PTPRN2: variants seen among roughly 807,000 people sequenced by gnomAD.
PTPRN2 encodes the protein protein tyrosine phosphatase receptor type N2, also known as receptor-type tyrosine-protein phosphatase N2.
A neutral mutation model predicts 118.8 loss-of-function variants in PTPRN2; 74 were observed. That is an observed-to-expected ratio of 0.62 (90% CI 0.52 to 0.76). The LOEUF (loss-of-function observed/expected upper bound fraction) is 0.76, where lower values mean the gene tolerates loss of function less well. Ranked by LOEUF, PTPRN2 falls within the 30% of genes least tolerant of loss-of-function variation. The probability of loss-of-function intolerance (pLI) is 0.00; values close to 1 mark genes in which losing one functional copy is unlikely to be tolerated. For missense variants in PTPRN2, 1,481 were observed against 1,394.4 expected, an observed-to-expected ratio of 1.06 and a Z score of -0.99; for synonymous variants, 641 against 608.0, an observed-to-expected ratio of 1.05 and a Z score of -0.80.
Position 157,881,815 on chromosome 7 carries a change from A to G in PTPRN2, c.1788+16858T>C, listed in dbSNP as rs1796147910. ...ACACAACCCTAATTAGACTTTTAAT[A>G]GATCCTTTGTTTCACAGGAATGAAA... On this transcript the variant is annotated intron_variant, in intron 12 of 22. Transcript: ENST00000389418. This position sits in a 1 kb window ranked among gnomAD's most constrained non-coding sequence, Gnocchi z 4.7. 6.6e-6 allele frequency among the ~76,000 whole-genome samples: 1 copy of G among 152,170 alleles called. No homozygotes were observed. Among genetic ancestry groups the G allele is most frequent in the South Asian group, 2.1e-4 (1 of 4,836 alleles).
chr7:158,248,997 A>ACACC (rs1796459901), intron 3 of PTPRN2, among the ~76,000 whole-genome samples: 1 of 150,158 alleles, frequency 6.7e-6, no homozygotes, highest in Non-Finnish European at 1.5e-5. Flanking sequence ...TGCACACATC[A>ACACC]CACATGCAGC....
Position 157,996,872 on chromosome 7 carries a change from G to A in PTPRN2, c.1723+84426C>T, listed in dbSNP as rs373845448. On this transcript the variant is annotated intron_variant, in intron 11 of 22. Transcript: ENST00000389418. ...TATGACCTGAGCCATCTTCCCCCAC[G>A]CCAGGCCCTCAGGAGACCCAACCTC... is the stretch of plus-strand genomic sequence containing the variant. 4.5e-4 allele frequency among the ~76,000 whole-genome samples: 69 copies of A among 152,152 alleles called. No individual in the cohort carries two copies. In the East Asian group the frequency reaches 0.011, roughly 24 times the overall value.
intron 1 of PTPRN2, among the ~76,000 whole-genome samples, chr7:158,550,577 G>T (rs1473470344): frequency 2.0e-5 from 3 of 152,218 alleles, no homozygotes; most frequent in African/African-American, 7.2e-5. Flanking sequence ...GCCTGCCCGA[G>T]GCTCCCCGGG....
intron 11 of PTPRN2, among the ~76,000 whole-genome samples, chr7:158,067,585 A>T (rs948863407): frequency 6.6e-6 from 1 of 152,134 alleles, no homozygotes; most frequent in African/African-American, 2.4e-5. Flanking sequence ...AATCTTGAGA[A>T]AAGGTTTCTG....
intron 12 of PTPRN2, among the ~76,000 whole-genome samples, chr7:157,793,568 C>T (rs948957468): frequency 6.6e-6 from 1 of 152,164 alleles, no homozygotes; most frequent in African/African-American, 2.4e-5. Flanking sequence ...GGTGGATGCT[C>T]GTGGTTCATT....
chr7:158,202,285 G>C (rs986301632), intron 4 of PTPRN2, among the ~76,000 whole-genome samples: 2 of 152,230 alleles, frequency 1.3e-5, no homozygotes, highest in Non-Finnish European at 2.9e-5. Flanking sequence ...CAACTGTTGA[G>C]GAAGACGATG....
At chr7:157,620,514 G>A (rs757665817) in intron 15 of PTPRN2, among the ~76,000 whole-genome samples, 2 of 152,188 alleles carry the variant, frequency 1.3e-5, no homozygotes, top group Admixed American at 6.5e-5. Flanking sequence ...GCGACGTACC[G>A]GTGCTATGCT....
intron 2 of PTPRN2, among the ~76,000 whole-genome samples, chr7:158,333,501 C>G (rs1195424065): frequency 6.0e-5 from 9 of 148,854 alleles, no homozygotes; most frequent in South Asian, 2.1e-4. Flanking sequence ...AGACGTCACT[C>G]ACACCCACAC....
chr7:157,961,787 T>C (rs1269782312), intron 11 of PTPRN2, among the ~76,000 whole-genome samples: 1 of 152,246 alleles, frequency 6.6e-6, no homozygotes, highest in East Asian at 1.9e-4. Context: ...TCTAAGGCAC[T>C]AAACACATGT....
intron 2 of PTPRN2, among the ~76,000 whole-genome samples, chr7:158,459,131 C>T (rs1277127941): frequency 6.6e-6 from 1 of 150,442 alleles, no homozygotes; most frequent in African/African-American, 2.4e-5. Context: ...ACCACACGTG[C>T]TGATGTCTCC....
In PTPRN2 at chr7:157,560,934, G is replaced by C. The variant is rs1161757334; in HGVS notation, c.2902+7968C>G. The stretch of plus-strand genomic sequence containing the variant: ...TCCCCCTAAGTCTCATCTGCAGAAG[G>C]CTGAGCCTCATGCACCTGCACCTCC... On this transcript the variant is annotated intron_variant, in intron 21 of 22. Transcript: ENST00000389418. This position sits in a 1 kb window ranked among gnomAD's most constrained non-coding sequence, Gnocchi z 6.7. 6.6e-6 allele frequency among the ~76,000 whole-genome samples: 1 copy of C among 152,144 alleles called. No homozygotes were observed. The highest frequency in any genetic ancestry group is 1.5e-5 in the Non-Finnish European group (1 of 68,012).
intron 14 of PTPRN2, among the ~76,000 whole-genome samples, chr7:157,638,494 A>C (rs1804460320): frequency 6.6e-6 from 1 of 152,222 alleles, no homozygotes; most frequent in Non-Finnish European, 1.5e-5. Context: ...ACAATTACCA[A>C]GTGTTGACTG....
In PTPRN2 at chr7:157,629,873, C is replaced by T. The variant is rs1276055940; in HGVS notation, c.2197-8364G>A. ...AATAGAATCCCTTTACATTTTCCTT[C>T]TTGTGACGAGACCACAGGTTTGTGT... On this transcript the variant is annotated intron_variant, in intron 14 of 22. Transcript: ENST00000389418. This position sits in a 1 kb window ranked among gnomAD's most constrained non-coding sequence, Gnocchi z 4.4. Among the ~76,000 whole-genome samples, 1 of 152,336 alleles carries T rather than the reference C, an allele frequency of 6.6e-6. No individual in the cohort carries two copies. The highest frequency in any genetic ancestry group is 3.4e-3 in the Middle Eastern group (1 of 294).
At chr7:158,106,928 C>T (rs1218055750) in intron 10 of PTPRN2, among the ~76,000 whole-genome samples, 3 of 152,174 alleles carry the variant, frequency 2.0e-5, no homozygotes, top group Non-Finnish European at 2.9e-5. Flanking sequence ...GGAAGCATCT[C>T]AGCTCTTTCA....
intron 11 of PTPRN2, among the ~76,000 whole-genome samples, chr7:158,040,736 C>CTTTTTTTTTTTTTTTTTTTT (rs58192875): frequency 7.0e-6 from 1 of 142,206 alleles, no homozygotes. Context: ...TTTTTTCTTT[C>CTTTTTTTTTTTTTTTTTTTT]TTTTTTTTTT....
intron 13 of PTPRN2, among the ~76,000 whole-genome samples, chr7:157,661,409 G>C (rs1585196213): frequency 6.6e-6 from 1 of 152,280 alleles, no homozygotes; most frequent in Non-Finnish European, 1.5e-5. Context: ...GCAAGGCAAC[G>C]CGCGGCCGGG....
chr7:157,751,617 C>T (rs1002928960), intron 12 of PTPRN2, among the ~76,000 whole-genome samples: 5 of 152,104 alleles, frequency 3.3e-5, no homozygotes, highest in South Asian at 4.2e-4. Flanking sequence ...GTTTGGAAGG[C>T]GTTTTCCCTT....
At chr7:157,751,813 C>A (rs545448161) in intron 12 of PTPRN2, among the ~76,000 whole-genome samples, 1 of 144,648 alleles carries the variant, frequency 6.9e-6, no homozygotes, top group Non-Finnish European at 1.5e-5. Context: ...GATGAGGAAA[C>A]ACATCTAACA....
At chr7:158,496,221 C>T (rs1821834989) in intron 1 of PTPRN2, among the ~76,000 whole-genome samples, 1 of 144,654 alleles carries the variant, frequency 6.9e-6, no homozygotes, top group South Asian at 2.3e-4. Flanking sequence ...CCTCCCCCTT[C>T]CCTTCAGCCT....
Sources: allele counts gnomAD v4.1 joint callset (sites outside exome capture counted in the v4.1 genomes callset), GRCh38; gene constraint gnomAD v4.1.1; non-coding constraint Gnocchi (gnomAD v3.1); transcripts MANE v1.5; gene names NCBI Gene and HGNC (gene_info 2026-07-23, HGNC 2026-07-21).